The following DLC1 variants were observed in gnomAD, a reference collection of about 807,000 sequenced individuals.
DLC1 encodes rho GTPase-activating protein 7.
In DLC1, 54 loss-of-function variants were observed where a neutral mutation model predicts 140.3. The observed-to-expected ratio is 0.38, with a 90% confidence interval of 0.31 to 0.48. The LOEUF (loss-of-function observed/expected upper bound fraction) is 0.48. DLC1 is among the 20% of genes least tolerant of loss of function. The probability of loss-of-function intolerance (pLI) is 0.96; values close to 1 mark genes in which losing one functional copy is unlikely to be tolerated. For synonymous variants in DLC1, 986 were observed against 728.1 expected (o/e 1.35, Z -5.70); for missense variants, 2,536 against 1,907.0 (o/e 1.33, Z -6.14).
At chr8:13,127,872 T>C (rs1456113896) in intron 5 of DLC1, among the ~76,000 whole-genome samples, 2 of 152,190 alleles carry the variant, frequency 1.3e-5, no homozygotes, top group Admixed American at 6.5e-5. Flanking sequence ...AAAATGTGGA[T>C]GGGAGGTGCC....
chr8:13,541,292 T>C (rs956852929), intron 1 of DLC1, among the ~76,000 whole-genome samples: 5 of 152,152 alleles, frequency 3.3e-5, no homozygotes, highest in Non-Finnish European at 5.9e-5. Context: ...CAAAGATGTG[T>C]TTTCTTTCTC....
intron 5 of DLC1, among the ~76,000 whole-genome samples, chr8:13,196,954 C>G (rs1233802675): frequency 6.6e-6 from 1 of 152,118 alleles, no homozygotes; most frequent in East Asian, 1.9e-4. Context: ...TGACTTGGGT[C>G]TTTCTTGATG....
At chr8:13,571,669 T>C (rs1201137823) in intron 1 of DLC1, among the ~76,000 whole-genome samples, 4 of 152,250 alleles carry the variant, frequency 2.6e-5, no homozygotes, top group African/African-American at 7.2e-5. Flanking sequence ...CTATGAACAC[T>C]GGCATACAAG....
rs73663616 is a variant in DLC1 at position 13,166,039 on chromosome 8, A to C, written c.1349-50382T>G. On this transcript the variant is annotated intron_variant, in intron 5 of 17. Transcript: ENST00000276297. ...AAGAGGTTGTATTTCCACATCTTAA[A>C]GTATATGGCCACAAAACCTATTCCC... is the stretch of plus-strand genomic sequence containing the variant. Among the ~76,000 whole-genome samples the C allele has an allele frequency of 3.5e-3, 536 of 152,312 alleles. 1 individual carries two copies. The highest frequency in any genetic ancestry group is 1.0e-2 in the African/African-American group (415 of 41,558).
intron 1 of DLC1, among the ~76,000 whole-genome samples, chr8:13,500,576 C>T (rs989223212): frequency 4.6e-5 from 7 of 152,196 alleles, no homozygotes; most frequent in Non-Finnish European, 7.3e-5. Flanking sequence ...CTTTTGTGAA[C>T]ACAAGTTGTT....
chr8:13,297,282 TAA>T (rs60048506), intron 5 of DLC1, among the ~76,000 whole-genome samples: 1 of 9,638 alleles, frequency 1.0e-4, no homozygotes, highest in Non-Finnish European at 1.8e-4. Context: ...CTTCATACAT[TAA>T]AAAAAAAAAA....
chr8:13,445,452 A>G (rs1007730191), intron 2 of DLC1, among the ~76,000 whole-genome samples: 3 of 152,226 alleles, frequency 2.0e-5, no homozygotes, highest in African/African-American at 7.2e-5. Context: ...AGAGAATGGA[A>G]CAACAGCTTC....
At chr8:13,284,034 T>C (rs1282150857) in intron 5 of DLC1, among the ~76,000 whole-genome samples, 1 of 152,076 alleles carries the variant, frequency 6.6e-6, no homozygotes, top group East Asian at 1.9e-4. Flanking sequence ...TCACTTCCAG[T>C]CCAGTGGAAG....
chr8:13,407,795 C>A (rs13265081), intron 2 of DLC1, among the ~76,000 whole-genome samples: 16,337 of 152,170 alleles, frequency 0.11, 956 homozygotes, highest in Middle Eastern at 0.19. Flanking sequence ...ACTCCTCACT[C>A]ACCCGTGAAA....
chr8:13,584,769 G>T (rs552142796), intron 1 of DLC1, among the ~76,000 whole-genome samples: 4 of 152,226 alleles, frequency 2.6e-5, no homozygotes, highest in African/African-American at 7.2e-5. Context: ...AAAACTTTTC[G>T]CTGGTTCAAC....
chr8:13,110,538 A>G (rs1356390125), intron 7 of DLC1, among the ~76,000 whole-genome samples: 2 of 152,144 alleles, frequency 1.3e-5, no homozygotes, highest in African/African-American at 4.8e-5. Context: ...ACTTCCTAGG[A>G]CAGCGTGGAT....
chr8:13,094,168 T>C (rs944851183), intron 12 of DLC1, among the ~76,000 whole-genome samples: 1 of 152,226 alleles, frequency 6.6e-6, no homozygotes, highest in African/African-American at 2.4e-5. Context: ...CCAGCTCAGA[T>C]AACACTGTTC....
rs778710778 is a variant in DLC1, at chr8:13,475,403, G to A, written c.1023+23646C>T. ...TCTGATTTTGAGGGCCCAGTAAAAG[G>A]CCATCTTTTATATTGGGTTTCTGGC... On this transcript the variant is annotated intron_variant, in intron 2 of 17. Transcript: ENST00000276297. Among the ~76,000 whole-genome samples the A allele has an allele frequency of 4.1e-4, 62 of 152,176 alleles. 1 individual carries two copies. In the Middle Eastern group the frequency reaches 0.014, roughly 33 times the overall value.
intron 3 of DLC1, among the ~76,000 whole-genome samples, chr8:13,398,036 CA>C (rs56754933): frequency 0.42 from 63,301 of 151,474 alleles, 13,578 homozygotes; most frequent in East Asian, 0.77. Flanking sequence ...GAGGCTGAGG[CA>C]GGAGAATTGC....
intron 2 of DLC1, among the ~76,000 whole-genome samples, chr8:13,451,896 T>C (rs1799077736): frequency 6.6e-6 from 1 of 152,174 alleles, no homozygotes; most frequent in Non-Finnish European, 1.5e-5. Flanking sequence ...AGCAGTAGGA[T>C]TGCTGGATCA....
At chr8:13,449,392 T>C (rs572875888) in intron 2 of DLC1, among the ~76,000 whole-genome samples, 5 of 152,302 alleles carry the variant, frequency 3.3e-5, no homozygotes, top group African/African-American at 1.2e-4. Context: ...TAATTACCTC[T>C]TTCAAAGAGG....
chr8:13,377,162 T>A (rs1197977878), intron 4 of DLC1, among the ~76,000 whole-genome samples: 1 of 152,148 alleles, frequency 6.6e-6, no homozygotes, highest in Non-Finnish European at 1.5e-5. Flanking sequence ...AATTCTCAAG[T>A]CCAAGGGCAG....
At chr8:13,353,056 A>G (rs977214155) in intron 4 of DLC1, among the ~76,000 whole-genome samples, 1 of 152,168 alleles carries the variant, frequency 6.6e-6, no homozygotes, top group Non-Finnish European at 1.5e-5. Flanking sequence ...ATAGTCCCAG[A>G]TGATGTTACT....
rs536897309 is a variant in DLC1, at chr8:13,568,061, A to C, written c.-126+36476T>G. ...GCTTCCTTCACAGATTTGAGGACTA[A>C]GAACTTTCACTTTTTTTTTCCTATT... On this transcript the variant is annotated intron_variant, in intron 1 of 1. Transcript: ENST00000631382. The C allele has an allele frequency of 1.2e-5, 15 of 1,226,074 alleles. No homozygotes were observed. The Admixed American group carries it at 4.2e-4, about 35-fold the overall frequency. The allele number at this position is 1,226,074 out of a possible 1,614,324, so 75.9% of individuals were successfully genotyped here.
Sources: allele counts gnomAD v4.1 joint callset (sites outside exome capture counted in the v4.1 genomes callset), GRCh38; gene constraint gnomAD v4.1.1; transcripts MANE v1.5; gene names NCBI Gene and HGNC (gene_info 2026-07-23, HGNC 2026-07-21).